SENP1: variants seen among roughly 807,000 people sequenced by gnomAD.
The protein encoded by SENP1 is SUMO specific peptidase 1.
A neutral mutation model predicts 93.0 loss-of-function variants in SENP1; 21 were observed. That is an observed-to-expected ratio of 0.23 (90% CI 0.16 to 0.33). The LOEUF (loss-of-function observed/expected upper bound fraction) is 0.33. SENP1 is among the 10% of genes least tolerant of loss of function. SENP1 has a pLI of 1.00. For synonymous variants in SENP1, 256 were observed against 259.6 expected, an observed-to-expected ratio of 0.99 and a Z score of 0.13; for missense variants, 591 against 758.7, an observed-to-expected ratio of 0.78 and a Z score of 2.60.
At position 48,065,060 on chromosome 12, in the gene SENP1, C is replaced by A. The variant is rs1565759499; in HGVS notation, c.1275+5G>T. ...TAGTGTAGAAATTAAGTGTATGTAA[C>A]TTACCTCTGTAATTTCAGGAAATTC... On this transcript the variant is annotated splice_donor_5th_base_variant and intron_variant, in intron 12 of 17. Coordinates refer to ENST00000549518, the MANE Select transcript of SENP1 (RefSeq NM_001267594.2). 6.4e-7 allele frequency: 1 copy of A among 1,565,104 alleles called. No homozygotes were observed. The highest frequency in any genetic ancestry group is 1.1e-5 in the South Asian group (1 of 89,792).
chr12:48,066,843 G>T, intron 10 of SENP1, 84 bp downstream of exon 10: 1 of 1,123,926 alleles, frequency 8.9e-7, no homozygotes, highest in Non-Finnish European at 1.3e-6. Flanking sequence ...CAAAAAATAA[G>T]CAGGATGATT....
At chr12:48,065,539 T>C in intron 11 of SENP1, 57 bp downstream of exon 11, 3 of 1,208,196 alleles carry the variant, frequency 2.5e-6, no homozygotes, top group Admixed American at 2.3e-5. Context: ...CTTTCCAAAA[T>C]AGTTTCTACT....
At chr12:48,055,667 C>T (rs1047722343) in intron 13 of SENP1, 1 of 151,446 alleles carries the variant, frequency 6.6e-6, no homozygotes, top group Non-Finnish European at 1.5e-5. Context: ...CGGAGATGTG[C>T]TATAAGTGTA....
At chr12:48,096,491 T>C (rs1945568356) in intron 3 of SENP1, 64 bp from the exon 4 acceptor site, 1 of 1,012,688 alleles carries the variant, frequency 9.9e-7, no homozygotes, top group Non-Finnish European at 1.5e-6. Context: ...GTCTCACTCT[T>C]GTTGCCCAGG....
chr12:48,074,211 G>T, intron 8 of SENP1, 113 bp downstream of exon 8: 1 of 927,414 alleles, frequency 1.1e-6, no homozygotes, highest in Non-Finnish European at 1.6e-6. Flanking sequence ...CATATTTTCA[G>T]ATTCGGTATG....
chr12:48,085,445 C>CACA, intron 5 of SENP1: 6 of 778,028 alleles, frequency 7.7e-6, no homozygotes, highest in Non-Finnish European at 1.0e-5. Flanking sequence ...GGACTCCTCA[C>CACA]AGCCCTCAGC....
At chr12:48,090,552 T>A (rs1479700534) in intron 4 of SENP1, among the ~76,000 whole-genome samples, 1 of 152,210 alleles carries the variant, frequency 6.6e-6, no homozygotes, top group Non-Finnish European at 1.5e-5. Flanking sequence ...GCTGATGGGA[T>A]CAAACAAAGC....
chr12:48,051,423 TCCCCTAGATCCCA>T (rs1941803438), intron 13 of SENP1, among the ~76,000 whole-genome samples: 1 of 152,180 alleles, frequency 6.6e-6, no homozygotes, highest in Admixed American at 6.5e-5. Flanking sequence ...CTTTTTCATT[TCCCCTAGATCCCA>T]GTAGAAGGGA....
At chr12:48,048,128 G>A (rs772178964) in intron 14 of SENP1, 48 bp from the exon 15 acceptor site, 11 of 1,311,040 alleles carry the variant, frequency 8.4e-6, no homozygotes, top group Admixed American at 1.8e-5. Flanking sequence ...GAAGAAAATC[G>A]GTTTATCAGT....
intron 13 of SENP1, among the ~76,000 whole-genome samples, chr12:48,055,760 T>C (rs1042725737): frequency 2.7e-5 from 4 of 147,350 alleles, no homozygotes; most frequent in African/African-American, 9.9e-5. Flanking sequence ...TTTTGTTAAA[T>C]AACGTTATTG....
At chr12:48,070,803 C>G (rs1300334841) in intron 9 of SENP1, among the ~76,000 whole-genome samples, 2 of 152,142 alleles carry the variant, frequency 1.3e-5, no homozygotes, top group African/African-American at 4.8e-5. Flanking sequence ...GACTAAAGAA[C>G]ACAGCAGGCC....
chr12:48,095,942 A>C (rs1945528313), intron 4 of SENP1, among the ~76,000 whole-genome samples: 1 of 152,244 alleles, frequency 6.6e-6, no homozygotes, highest in Admixed American at 6.5e-5. Flanking sequence ...AAGCTCAGGA[A>C]GAAATAAATT....
intron 6 of SENP1, 64 bp from the exon 7 acceptor site, chr12:48,074,857 T>A: frequency 9.2e-7 from 1 of 1,091,664 alleles, no homozygotes; most frequent in Non-Finnish European, 1.3e-6. Context: ...TTTCTCAAAC[T>A]AGCATGTAAA....
intron 3 of SENP1, among the ~76,000 whole-genome samples, chr12:48,097,066 C>G (rs1009646072): frequency 1.3e-5 from 2 of 151,988 alleles, no homozygotes; most frequent in African/African-American, 4.8e-5. Context: ...TGAAATAATT[C>G]AGGCTTCAAG....
chr12:48,086,987 C>T (rs1030824136), intron 5 of SENP1, among the ~76,000 whole-genome samples: 1 of 151,732 alleles, frequency 6.6e-6, no homozygotes, highest in East Asian at 1.9e-4. Flanking sequence ...TGCAGTGAGC[C>T]GAGATCACAC....
chr12:48,074,511 T>C lies in SENP1; in HGVS notation c.753A>G (p.Ser251=). 6.2e-7 allele frequency: 1 copy of C among 1,613,938 alleles called. No homozygotes were observed. Among genetic ancestry groups the C allele is most frequent in the Non-Finnish European group, 8.5e-7 (1 of 1,179,840 alleles). The change falls in exon 8 of 18, where the codon TCA becomes TCG. Residue 251 remains serine, a synonymous_variant. Coordinates refer to ENST00000549518, the MANE Select transcript of SENP1 (RefSeq NM_001267594.2). ...CASQIIGSDT[S]SSGSASILTN... ...TTAAAATGCTGGCAGATCCAGATGA[T>C]GAAGTATCAGAGCCAATGATCTGAG...
intron 15 of SENP1, among the ~76,000 whole-genome samples, chr12:48,047,510 T>C (rs1042387693): frequency 3.3e-5 from 5 of 152,238 alleles, no homozygotes; most frequent in Non-Finnish European, 5.9e-5. Context: ...ATTGAGTGCA[T>C]ACCTTCAATA....
Position 48,074,496 on chromosome 12 carries a change from G to A in SENP1, c.768C>T (p.Ala256=), listed in dbSNP as rs1024790017. The change falls in exon 8 of 18, where the codon GCC becomes GCT. Residue 256 remains alanine, a synonymous_variant. Coordinates refer to ENST00000549518, the MANE Select transcript of SENP1 (RefSeq NM_001267594.2). Reference sequence around the variant, plus strand: ...GCTGTTCCTGGTTAGTTAAAATGCTGGCAGATCCAGATGATGAAGTATCAG... The same window carrying A: ...GCTGTTCCTGGTTAGTTAAAATGCTAGCAGATCCAGATGATGAAGTATCAG... ...IGSDTSSSGS[A]SILTNQEQLS... is the part of the protein sequence containing the mutation. 9.9e-6 allele frequency: 16 copies of A among 1,613,760 alleles called. No homozygotes were observed. Among genetic ancestry groups the A allele is most frequent in the African/African-American group, 1.3e-5 (1 of 74,888 alleles).
chr12:48,103,252 G>T (rs1946076485), intron 1 of SENP1, among the ~76,000 whole-genome samples: 1 of 152,142 alleles, frequency 6.6e-6, no homozygotes, highest in Non-Finnish European at 1.5e-5. Flanking sequence ...GAAATTCAAA[G>T]AATTTTACCG....
Sources: gnomAD v4.1 joint callset for allele counts (sites outside exome capture counted in the v4.1 genomes callset) on GRCh38, gnomAD v4.1.1 for gene constraint, MANE v1.5 for transcripts, NCBI Gene and HGNC (gene_info 2026-07-23, HGNC 2026-07-21) for gene names.